Variants in UGT1A8 observed in about 807,000 individuals in gnomAD.
The protein encoded by UGT1A8 is UDP glucuronosyltransferase family 1 member A8, also known as UDP-glucuronosyltransferase 1A8.
UGT1A8 carries 39 observed loss-of-function variants against 45.3 expected under a neutral mutation model. The observed-to-expected ratio is 0.86, with a 90% confidence interval of 0.67 to 1.12. UGT1A8 has a LOEUF of 1.12. Among genes scored for constraint, UGT1A8 ranks in the 50% most tolerant of loss-of-function variants. UGT1A8 has a pLI of 0.00. For missense variants in UGT1A8, 719 were observed against 664.9 expected, an observed-to-expected ratio of 1.08 and a Z score of -0.90; for synonymous variants, 275 against 249.2, an observed-to-expected ratio of 1.10 and a Z score of -0.97.
At chr2:233,719,672 G>T (rs777502728) in intron 1 of UGT1A8, 75 of 1,613,516 alleles carry the variant, frequency 4.6e-5, no homozygotes, top group Non-Finnish European at 6.0e-5. Flanking sequence ...GTGCCAACGG[G>T]AAGCCACTAT....
At chr2:233,630,038 A>C (rs2073159423) in intron 1 of UGT1A8, among the ~76,000 whole-genome samples, 5 of 152,072 alleles carry the variant, frequency 3.3e-5, no homozygotes, top group Admixed American at 2.6e-4. Flanking sequence ...CAAGGTGGCT[A>C]GAGCTTTACC....
intron 1 of UGT1A8, among the ~76,000 whole-genome samples, chr2:233,759,225 G>A (rs984421918): frequency 4.6e-5 from 7 of 152,188 alleles, no homozygotes; most frequent in Admixed American, 2.0e-4. Context: ...TTATGCAAAT[G>A]AAGGATGGAA....
In UGT1A8 at chr2:233,743,703, C is replaced by T. The variant is rs200396442; in HGVS notation, c.856-23331C>T. 2.1e-4 allele frequency: 292 copies of T among 1,367,370 alleles called. 6 individuals are homozygous for T. Among genetic ancestry groups the T allele is most frequent in the African/African-American group, 1.2e-3 (81 of 67,578 alleles). 84.7% of individuals were successfully genotyped at this position (1,367,370 alleles called of 1,614,324 possible). On this transcript the variant is annotated intron_variant, in intron 1 of 4. Coordinates refer to ENST00000373450, the MANE Select transcript of UGT1A8 (RefSeq NM_019076.5). ...CCGCCTGTGCAGCCGCCCTCCGCCCCCGCCTCGCCATAGCGGTCATAGATA... is the reference window on the plus strand; with the variant it reads ...CCGCCTGTGCAGCCGCCCTCCGCCCTCGCCTCGCCATAGCGGTCATAGATA...
chr2:233,697,318 G>A (rs2075384581), intron 1 of UGT1A8, among the ~76,000 whole-genome samples: 1 of 152,016 alleles, frequency 6.6e-6, no homozygotes. Context: ...GATTGTTTGT[G>A]TTTGGAAATG....
intron 1 of UGT1A8, among the ~76,000 whole-genome samples, chr2:233,744,376 C>T (rs1002936325): frequency 4.0e-5 from 6 of 151,828 alleles, no homozygotes; most frequent in Non-Finnish European, 8.8e-5. Context: ...GACTGCAGTT[C>T]TCCAACGTTC....
Position 233,767,155 on chromosome 2 carries a change from T to C in UGT1A8, c.977T>C (p.Ile326Thr), listed in dbSNP as rs202035422. The change falls in exon 2 of 5, where the codon ATC (isoleucine) becomes ACC (threonine). Residue 326 changes from isoleucine (I) to threonine (T), a missense_variant. Ile to Thr is a moderately conservative substitution (Grantham distance 89). Transcript: ENST00000373450. The stretch of plus-strand genomic sequence containing the variant: ...GCAATTGCTGATGCTTTGGGCAAAA[T>C]CCCTCAGACAGTAAGAAGATTCTAT... ...AMAIADALGK[I>T]PQTVLWRYTG... 6.2e-7 allele frequency: 1 copy of C among 1,614,056 alleles called. No homozygotes were observed. Among genetic ancestry groups the C allele is most frequent in the Non-Finnish European group, 8.5e-7 (1 of 1,179,996 alleles).
intron 3 of UGT1A8, 42 bp downstream of exon 3, chr2:233,767,978 A>G: frequency 3.1e-6 from 5 of 1,614,204 alleles, no homozygotes; most frequent in Non-Finnish European, 4.2e-6. Flanking sequence ...ACCAGGGTCA[A>G]ATTAAGAAAA....
chr2:233,678,142 A>C (rs2074409846), intron 1 of UGT1A8, among the ~76,000 whole-genome samples: 1 of 152,212 alleles, frequency 6.6e-6, no homozygotes, highest in Non-Finnish European at 1.5e-5. Flanking sequence ...TAAAGATGGC[A>C]ACAATAGACA....
intron 1 of UGT1A8, among the ~76,000 whole-genome samples, chr2:233,681,267 C>T (rs2074516527): frequency 1.3e-5 from 2 of 152,010 alleles, no homozygotes; most frequent in South Asian, 4.2e-4. Flanking sequence ...GGTGTAGTGG[C>T]TCACGCCTGT....
intron 1 of UGT1A8, among the ~76,000 whole-genome samples, chr2:233,633,328 A>G (rs1052275790): frequency 3.5e-4 from 54 of 152,176 alleles, no homozygotes; most frequent in Non-Finnish European, 7.3e-5. Context: ...GCCTCATAAA[A>G]TGAGTTATGG....
chr2:233,661,843 C>A (rs1343861559), intron 1 of UGT1A8, among the ~76,000 whole-genome samples: 2 of 151,824 alleles, frequency 1.3e-5, no homozygotes, highest in Non-Finnish European at 2.9e-5. Context: ...ACTAGCGACA[C>A]TTTGTATGGG....
chr2:233,665,675 G>C (rs2074062155), intron 1 of UGT1A8, among the ~76,000 whole-genome samples: 1 of 152,186 alleles, frequency 6.6e-6, no homozygotes. Context: ...ATAATTGGCT[G>C]ACCCAGGGAG....
chr2:233,636,518 C>G, intron 1 of UGT1A8: 1 of 1,608,620 alleles, frequency 6.2e-7, no homozygotes, highest in East Asian at 2.2e-5. Context: ...GGCTGCAGTT[C>G]TCTCATGGCT....
chr2:233,666,922 A>G (rs1051005602), intron 1 of UGT1A8, among the ~76,000 whole-genome samples: 6 of 151,456 alleles, frequency 4.0e-5, no homozygotes, highest in Non-Finnish European at 7.4e-5. Flanking sequence ...TCCTTGTGGT[A>G]GTTTGCTGAG....
intron 1 of UGT1A8, among the ~76,000 whole-genome samples, chr2:233,677,371 C>T (rs1418519199): frequency 6.6e-6 from 1 of 152,014 alleles, no homozygotes. Context: ...GGGACCAACC[C>T]GTGTGTAGTA....
chr2:233,665,028 G>A (rs1353746253), intron 1 of UGT1A8, among the ~76,000 whole-genome samples: 2 of 152,114 alleles, frequency 1.3e-5, no homozygotes, highest in Admixed American at 6.5e-5. Flanking sequence ...TAGTAGTTTT[G>A]TGTGCATCAT....
chr2:233,769,657 C>A lies in UGT1A8; in HGVS notation c.1295+1218C>A, dbSNP rs551497641. On this transcript the variant is annotated intron_variant, in intron 4 of 4. Coordinates refer to ENST00000373450, the MANE Select transcript of UGT1A8 (RefSeq NM_019076.5). This position sits in a 1 kb window ranked among gnomAD's most constrained non-coding sequence, Gnocchi z 4.4. ...GGGAGGACTGATGACTGACTTCCCACCTTTGAGGTGCTAATGTGTGTGTGG... is the reference window on the plus strand; with the variant it reads ...GGGAGGACTGATGACTGACTTCCCAACTTTGAGGTGCTAATGTGTGTGTGG... 2.5e-6 allele frequency: 4 copies of A among 1,602,364 alleles called. No individual in the cohort carries two copies. Among genetic ancestry groups the A allele is most frequent in the East Asian group, 4.5e-5 (2 of 44,626 alleles).
chr2:233,762,966 C>T (rs947524337), intron 1 of UGT1A8, among the ~76,000 whole-genome samples: 7 of 152,068 alleles, frequency 4.6e-5, no homozygotes, highest in African/African-American at 1.2e-4. Context: ...GAAAGATGCC[C>T]GTCTTGCTGC....
intron 1 of UGT1A8, among the ~76,000 whole-genome samples, chr2:233,759,051 G>A (rs1697047727): frequency 6.6e-6 from 1 of 152,170 alleles, no homozygotes; most frequent in Non-Finnish European, 1.5e-5. Context: ...GTGAACAAAA[G>A]TTCTCTGAAA....
Sources: allele counts gnomAD v4.1 joint callset (sites outside exome capture counted in the v4.1 genomes callset), GRCh38; gene constraint gnomAD v4.1.1; non-coding constraint Gnocchi (gnomAD v3.1); transcripts MANE v1.5; gene names NCBI Gene and HGNC (gene_info 2026-07-23, HGNC 2026-07-21).